Variants in USP39 observed in about 807,000 individuals in gnomAD.
The protein encoded by USP39 is ubiquitin specific peptidase 39, also known as ubiquitin carboxyl-terminal hydrolase 39.
Under a neutral mutation model 66.4 loss-of-function variants are expected in USP39, and 38 were observed. That is an observed-to-expected ratio of 0.57 (90% CI 0.44 to 0.75). The LOEUF (loss-of-function observed/expected upper bound fraction) is 0.75, where lower values mean the gene tolerates loss of function less well. Among genes scored for constraint, USP39 ranks in the 30% least tolerant of loss-of-function variants. The pLI, the probability that USP39 is intolerant of heterozygous loss-of-function variation, is 0.00. For missense variants in USP39, 608 were observed against 714.4 expected (o/e 0.85, Z 1.70); for synonymous variants, 303 against 274.6 (o/e 1.10, Z -1.02).
chr2:85,607,835 T>G (rs543649860), upstream of USP39: 1 of 152,182 alleles, frequency 6.6e-6, no homozygotes, highest in African/African-American at 2.4e-5. Flanking sequence ...TCTTGTGGAA[T>G]TCAGACGTAA....
chr2:85,639,704 C>T (rs925079320), intron 9 of USP39: 2 of 205,974 alleles, frequency 9.7e-6, no homozygotes, highest in African/African-American at 4.7e-5. Context: ...TGCCTCGCCT[C>T]CCAAAGTGCT....
Position 85,649,097 on chromosome 2 carries a change from A to C in USP39, c.*289A>C. 1 of 356,892 alleles carries C rather than the reference A, an allele frequency of 2.8e-6. No homozygotes were observed. The highest frequency in any genetic ancestry group is 4.7e-6 in the Non-Finnish European group (1 of 212,386). 22.1% of individuals were successfully genotyped at this position (356,892 alleles called of 1,614,324 possible). A position where few individuals can be genotyped will look rare whatever the true frequency, so the allele number is the denominator to read the frequency against. ...ACCCTTCTCCAGATGTGTGTAACTTATGTCTTGAGTATCTGGGAGTAGTTG... is the reference window on the plus strand; with the variant it reads ...ACCCTTCTCCAGATGTGTGTAACTTCTGTCTTGAGTATCTGGGAGTAGTTG... On this transcript the variant is annotated 3_prime_UTR_variant, in exon 13 of 13. Coordinates refer to ENST00000323701, the MANE Select transcript of USP39 (RefSeq NM_006590.4).
At chr2:85,634,820 C>T (rs966002321) in intron 6 of USP39, among the ~76,000 whole-genome samples, 1 of 152,208 alleles carries the variant, frequency 6.6e-6, no homozygotes, top group South Asian at 2.1e-4. Flanking sequence ...TCAGCATTCA[C>T]TGTGTTCCAC....
At chr2:85,609,630 C>T, upstream of USP39, 1 of 1,610,234 alleles carries the variant, frequency 6.2e-7, no homozygotes, top group East Asian at 2.2e-5. Flanking sequence ...GGGGGTGCTG[C>T]TGAAGGCCCT....
chr2:85,622,007 A>G (rs923462680), intron 3 of USP39, among the ~76,000 whole-genome samples: 2 of 151,872 alleles, frequency 1.3e-5, no homozygotes, highest in East Asian at 3.9e-4. Context: ...TTTAGTAGAA[A>G]CGGGGTTTCA....
At chr2:85,615,818 C>G (rs1673879674), upstream of USP39, among the ~76,000 whole-genome samples, 1 of 152,010 alleles carries the variant, frequency 6.6e-6, no homozygotes, top group South Asian at 2.1e-4. Context: ...TTAGTAGAGA[C>G]GGGGTTTCTC....
chr2:85,611,386 G>A, upstream of USP39: 1 of 1,465,290 alleles, frequency 6.8e-7, no homozygotes, highest in Non-Finnish European at 9.0e-7. Context: ...CTAGGTAGCG[G>A]AGCACCTTAC....
Position 85,632,787 on chromosome 2 carries a change from G to A in USP39, c.949+1841G>A, listed in dbSNP as rs1210109958. ...AAGAAAAGGTAATTACAGGTGTTAA[G>A]TGCTGTGCTATGGGAGGGGAGCATG... is the stretch of plus-strand genomic sequence containing the variant. On this transcript the variant is annotated intron_variant, in intron 6 of 12. Transcript: ENST00000323701. 2.0e-5 allele frequency among the ~76,000 whole-genome samples: 3 copies of A among 152,084 alleles called. No homozygotes were observed. In the East Asian group the frequency reaches 5.8e-4, roughly 29 times the overall value.
chr2:85,633,697 G>A (rs936624563), intron 6 of USP39, among the ~76,000 whole-genome samples: 3 of 152,094 alleles, frequency 2.0e-5, no homozygotes, highest in African/African-American at 7.2e-5. Context: ...GGCCTAGGAG[G>A]TAGAGGCTTC....
At chr2:85,632,270 G>A (rs1675407193) in intron 6 of USP39, among the ~76,000 whole-genome samples, 1 of 152,050 alleles carries the variant, frequency 6.6e-6, no homozygotes, top group African/African-American at 2.4e-5. Flanking sequence ...TAGTTATGTA[G>A]AAAGGTTGAG....
chr2:85,624,793 G>A (rs1188575108), intron 4 of USP39, among the ~76,000 whole-genome samples: 7 of 151,834 alleles, frequency 4.6e-5, no homozygotes, highest in African/African-American at 9.7e-5. Context: ...ATGAGACCCC[G>A]TTTCTACTAG....
At chr2:85,611,388 G>A (rs1436100380), upstream of USP39, 1 of 1,466,660 alleles carries the variant, frequency 6.8e-7, no homozygotes, top group South Asian at 1.4e-5. Context: ...AGGTAGCGGA[G>A]CACCTTACTA....
upstream of USP39, among the ~76,000 whole-genome samples, chr2:85,615,659 T>A (rs55759724): frequency 0.042 from 6,401 of 152,084 alleles, 180 homozygotes; most frequent in Middle Eastern, 0.099. Flanking sequence ...TGAGACGGAG[T>A]TTCGCTCGTT....
At chr2:85,618,608 C>T (rs1238374479) in intron 1 of USP39, among the ~76,000 whole-genome samples, 2 of 150,470 alleles carry the variant, frequency 1.3e-5, no homozygotes, top group Non-Finnish European at 3.0e-5. Context: ...CTATATGGTA[C>T]ATTTGTATTA....
At chr2:85,629,868 A>T (rs1250409989) in intron 5 of USP39, among the ~76,000 whole-genome samples, 2 of 151,972 alleles carry the variant, frequency 1.3e-5, no homozygotes, top group Non-Finnish European at 2.9e-5. Flanking sequence ...TGGCTTAGGC[A>T]TGAGAATTGC....
In USP39 at chr2:85,621,557, G is replaced by A; in HGVS notation, c.411G>A (p.Leu137=). The A allele has an allele frequency of 6.2e-7, 1 of 1,613,454 alleles. No individual in the cohort carries two copies. Among genetic ancestry groups the A allele is most frequent in the African/African-American group, 1.3e-5 (1 of 74,828 alleles). The change falls in exon 3 of 13, where the codon CTG becomes CTA. Residue 137 remains leucine (L), a synonymous_variant. Coordinates refer to ENST00000323701, the MANE Select transcript of USP39 (RefSeq NM_006590.4). The part of the protein sequence containing the change: ...SLSHINAYAC[L]VCGKYFQGRG... ...CACACATCAATGCTTATGCCTGTCT[G>A]GTGTGTGGCAAGTACTTTCAAGGTA...
chr2:85,618,808 C>T (rs138929233), intron 1 of USP39, among the ~76,000 whole-genome samples: 1,677 of 150,678 alleles, frequency 0.011, 29 homozygotes, highest in African/African-American at 0.037. Flanking sequence ...TTGCTCTTGT[C>T]GCCCAGGCTG....
chr2:85,646,048 G>A (rs142167236), intron 11 of USP39: 1 of 152,312 alleles, frequency 6.6e-6, no homozygotes, highest in Admixed American at 6.5e-5. Flanking sequence ...ATCAGCATCA[G>A]TCTTGTTAGA....
upstream of USP39, chr2:85,612,232 T>A (rs1020119807): frequency 2.2e-6 from 3 of 1,337,160 alleles, no homozygotes; most frequent in Non-Finnish European, 3.0e-6. Flanking sequence ...TTTTTGTTTG[T>A]TTTTTCGTAA....
Sources: gnomAD v4.1 joint callset for allele counts (sites outside exome capture counted in the v4.1 genomes callset) on GRCh38, gnomAD v4.1.1 for gene constraint, MANE v1.5 for transcripts, NCBI Gene and HGNC (gene_info 2026-07-23, HGNC 2026-07-21) for gene names.